VIPR2: variants seen among roughly 807,000 people sequenced by gnomAD.
VIPR2 encodes vasoactive intestinal polypeptide receptor 2.
VIPR2 carries 48 observed loss-of-function variants against 58.0 expected under a neutral mutation model. The ratio of observed to expected loss-of-function variants is 0.83; its 90% CI spans 0.66 to 1.05. The LOEUF (loss-of-function observed/expected upper bound fraction) is 1.05, where lower values mean the gene tolerates loss of function less well. Among genes scored for constraint, VIPR2 ranks in the 50% least tolerant of loss-of-function variants. The pLI is 0.00. For missense variants in VIPR2, 534 were observed against 558.0 expected, an observed-to-expected ratio of 0.96 and a Z score of 0.43; for synonymous variants, 243 against 235.2, an observed-to-expected ratio of 1.03 and a Z score of -0.30.
intron 5 of VIPR2, among the ~76,000 whole-genome samples, chr7:159,048,943 C>T (rs559365653): frequency 4.3e-4 from 66 of 152,326 alleles, no homozygotes; most frequent in Non-Finnish European, 1.5e-5. Flanking sequence ...GGACCCTTCT[C>T]TCCCACTCAA....
In VIPR2 at chr7:159,099,440, G is replaced by C. The variant is rs1258767007; in HGVS notation, c.357+4317C>G. Among the ~76,000 whole-genome samples the C allele has an allele frequency of 6.6e-6, 1 of 152,194 alleles. No individual in the cohort carries two copies. The highest frequency in any genetic ancestry group is 1.9e-4 in the East Asian group (1 of 5,190). ...CCCAGGAGGAGACAGGAGATAAGGAGCTTGGGCATGACTCTGTGGGCTGAC... is the reference window on the plus strand; with the variant it reads ...CCCAGGAGGAGACAGGAGATAAGGACCTTGGGCATGACTCTGTGGGCTGAC... On this transcript the variant is annotated intron_variant, in intron 4 of 12. Transcript: ENST00000262178. The surrounding 1 kb of genome is among the most constrained non-coding windows in gnomAD (Gnocchi z 4.2).
Position 159,135,801 on chromosome 7 carries a change from C to T in VIPR2, c.151+6645G>A, listed in dbSNP as rs533987019. 3.2e-4 allele frequency among the ~76,000 whole-genome samples: 48 copies of T among 152,206 alleles called. 1 individual carries two copies. The highest frequency in any genetic ancestry group is 6.8e-3 in the Middle Eastern group (2 of 294). On this transcript the variant is annotated intron_variant, in intron 2 of 12. Transcript: ENST00000262178. ...TCATGCTATTGCACTCCAGCCTGGG[C>T]GACAGAGTGAAACTCCATCTCAGAA...
At chr7:159,054,758 AT>A (rs971100452) in intron 5 of VIPR2, among the ~76,000 whole-genome samples, 44 of 152,246 alleles carry the variant, frequency 2.9e-4, no homozygotes, top group African/African-American at 1.1e-3. Context: ...GGCAGCATTC[AT>A]TTTTTAATAA....
At chr7:159,110,277 G>T (rs1795944383) in intron 2 of VIPR2, among the ~76,000 whole-genome samples, 1 of 152,342 alleles carries the variant, frequency 6.6e-6, no homozygotes, top group Non-Finnish European at 1.5e-5. Flanking sequence ...GTGTGCTTGT[G>T]CTTCTGTGGA....
intron 4 of VIPR2, among the ~76,000 whole-genome samples, chr7:159,070,996 G>A (rs1362109663): frequency 6.6e-6 from 1 of 152,174 alleles, no homozygotes; most frequent in Non-Finnish European, 1.5e-5. Flanking sequence ...GCTTCACCAC[G>A]CAGGTCATTA....
At chr7:159,138,480 C>A (rs1797318032) in intron 2 of VIPR2, among the ~76,000 whole-genome samples, 1 of 152,218 alleles carries the variant, frequency 6.6e-6, no homozygotes, top group Admixed American at 6.5e-5. Flanking sequence ...GTCACTAGAA[C>A]ATTGTTTGTA....
At chr7:159,139,204 G>A (rs1033276609) in intron 2 of VIPR2, among the ~76,000 whole-genome samples, 12 of 152,196 alleles carry the variant, frequency 7.9e-5, no homozygotes, top group Non-Finnish European at 1.6e-4. Context: ...ACCTAGGAGA[G>A]TTCGATAATT....
intron 3 of VIPR2, among the ~76,000 whole-genome samples, chr7:159,106,964 G>C (rs938370034): frequency 6.6e-6 from 1 of 151,708 alleles, no homozygotes; most frequent in Non-Finnish European, 1.5e-5. Context: ...AGGCCAGGGA[G>C]GTGCAGAGAG....
intron 4 of VIPR2, among the ~76,000 whole-genome samples, chr7:159,103,479 T>C (rs755329257): frequency 3.3e-5 from 5 of 152,106 alleles, no homozygotes; most frequent in Non-Finnish European, 7.4e-5. Flanking sequence ...GCGGGGCCAC[T>C]CTCAGGTTCT....
Position 159,096,595 on chromosome 7 carries a change from A to C in VIPR2, c.357+7162T>G, listed in dbSNP as rs1857862177. Among the ~76,000 whole-genome samples, 1 of 151,876 alleles carries C rather than the reference A, an allele frequency of 6.6e-6. No individual in the cohort carries two copies. Among genetic ancestry groups the C allele is most frequent in the Non-Finnish European group, 1.5e-5 (1 of 67,978 alleles). On this transcript the variant is annotated intron_variant, in intron 4 of 12. Coordinates refer to ENST00000262178, the MANE Select transcript of VIPR2 (RefSeq NM_003382.5). The surrounding 1 kb of genome is among the most constrained non-coding windows in gnomAD (Gnocchi z 5.5). ...AGCGTATCTGTGCATTTCCTTCTTA[A>C]CCTCCTTCCCTGGTCCCGTATCTCC...
rs7799941 is a variant in VIPR2, at chr7:159,056,394, G to C, written c.455+2087C>G. ...ATCTGTGGTATCCATCAATACAGAGGGCTGACTGTATTGAAAAACATTCTC... is the reference window on the plus strand; with the variant it reads ...ATCTGTGGTATCCATCAATACAGAGCGCTGACTGTATTGAAAAACATTCTC... On this transcript the variant is annotated intron_variant, in intron 5 of 12. Coordinates refer to ENST00000262178, the MANE Select transcript of VIPR2 (RefSeq NM_003382.5). Among the ~76,000 whole-genome samples, 563 of 152,246 alleles carry C rather than the reference G, an allele frequency of 3.7e-3. 3 individuals carry two copies. Among genetic ancestry groups the C allele is most frequent in the African/African-American group, 0.013 (526 of 41,514 alleles).
chr7:159,060,342 CA>C (rs997071699), intron 4 of VIPR2, among the ~76,000 whole-genome samples: 1 of 150,914 alleles, frequency 6.6e-6, no homozygotes, highest in African/African-American at 2.4e-5. Context: ...TCACCTCATC[CA>C]ACCACCATTC....
At chr7:159,121,613 C>T (rs1430534168) in intron 2 of VIPR2, among the ~76,000 whole-genome samples, 2 of 152,150 alleles carry the variant, frequency 1.3e-5, no homozygotes, top group African/African-American at 4.8e-5. Context: ...ATATATCATG[C>T]ATATTTTTCA....
chr7:159,129,268 G>T (rs13228547), intron 2 of VIPR2, among the ~76,000 whole-genome samples: 3,484 of 87,910 alleles, frequency 0.04, no homozygotes, highest in Middle Eastern at 0.087. Context: ...TGGCCTCTGG[G>T]GGGGACAGGG....
Position 159,030,770 on chromosome 7 carries a change from CG to C in VIPR2, c.1162del (p.Arg388GlufsTer72), listed in dbSNP as rs1364752516. The C allele has an allele frequency of 6.3e-7, 1 of 1,594,236 alleles. No homozygotes were observed. Among genetic ancestry groups the C allele is most frequent in the Non-Finnish European group, 8.5e-7 (1 of 1,171,598 alleles). ...GGTCGGGCACCGGCTTCGCCATTTT[CG>C]CTTCAGCTCGCACTGCACCTGGGAG... is the stretch of plus-strand genomic sequence containing the variant. Reference protein sequence around the residue: ...LNSEVQCELKRKWRSRCPTPS... With the variant: ...LNSEVQCELKXKWRSRCPTPS... On this transcript the variant is annotated frameshift_variant, in exon 13 of 13. Transcript: ENST00000262178. LOFTEE classifies it low-confidence loss of function (END_TRUNC).
intron 4 of VIPR2, among the ~76,000 whole-genome samples, chr7:159,071,028 A>C (rs559548945): frequency 1.1e-4 from 17 of 152,314 alleles, no homozygotes; most frequent in African/African-American, 4.1e-4. Context: ...TCCTTCCTGT[A>C]GTCAGTTTTT....
chr7:159,100,729 C>T (rs1014172836), intron 4 of VIPR2, among the ~76,000 whole-genome samples: 66 of 152,166 alleles, frequency 4.3e-4, no homozygotes, highest in African/African-American at 1.5e-3. Context: ...TCACGAGATC[C>T]GATGAGGCGG....
intron 4 of VIPR2, among the ~76,000 whole-genome samples, chr7:159,061,088 A>G (rs1855619600): frequency 6.6e-6 from 1 of 152,304 alleles, no homozygotes; most frequent in East Asian, 1.9e-4. Context: ...AGCACCATGG[A>G]GGCAGCTGGA....
At chr7:159,117,305 G>T in intron 2 of VIPR2, 1 of 717,466 alleles carries the variant, frequency 1.4e-6, no homozygotes. Context: ...CAATGATTTT[G>T]TAATTATAAA....
Sources: allele counts gnomAD v4.1 joint callset (sites outside exome capture counted in the v4.1 genomes callset), GRCh38; gene constraint gnomAD v4.1.1; non-coding constraint Gnocchi (gnomAD v3.1); transcripts MANE v1.5; gene names NCBI Gene and HGNC (gene_info 2026-07-23, HGNC 2026-07-21).